TTC1: variants seen among roughly 807,000 people sequenced by gnomAD.
The protein encoded by TTC1 is tetratricopeptide repeat protein 1.
In TTC1, 31 loss-of-function variants were observed where a neutral mutation model predicts 37.6. That is an observed-to-expected ratio of 0.82 (90% CI 0.62 to 1.11). TTC1 has a LOEUF of 1.11. Ranked by LOEUF, TTC1 falls within the 50% of genes most tolerant of loss-of-function variation. The pLI is 0.00. For synonymous variants in TTC1, 127 were observed against 122.4 expected (o/e 1.04, Z -0.25); for missense variants, 351 against 339.0 (o/e 1.04, Z -0.28).
intron 2 of TTC1, among the ~76,000 whole-genome samples, chr5:160,034,625 G>A (rs1419825826): frequency 6.6e-6 from 1 of 152,158 alleles, no homozygotes; most frequent in African/African-American, 2.4e-5. Context: ...GCTAGTCACT[G>A]TATGGGCAGC....
intron 2 of TTC1, among the ~76,000 whole-genome samples, chr5:160,018,655 C>T (rs1427492770): frequency 2.0e-5 from 3 of 152,096 alleles, no homozygotes; most frequent in African/African-American, 7.2e-5. Context: ...AAGTTTTTTC[C>T]AAGTGCAGAA....
intron 5 of TTC1, among the ~76,000 whole-genome samples, chr5:160,045,454 C>CCACACACACACACACA (rs57919333): frequency 7.7e-5 from 3 of 38,906 alleles, no homozygotes; most frequent in Non-Finnish European, 1.4e-4. Flanking sequence ...CCCCCACCCT[C>CCACACACACACACACA]CACACACACA....
intron 7 of TTC1, among the ~76,000 whole-genome samples, chr5:160,053,574 G>GA (rs1406408196): frequency 1.3e-5 from 2 of 152,108 alleles, no homozygotes; most frequent in African/African-American, 4.8e-5. Flanking sequence ...TAAAAAAAAA[G>GA]AAAATTATAA....
intron 2 of TTC1, among the ~76,000 whole-genome samples, chr5:160,028,588 C>T (rs1353400950): frequency 6.6e-6 from 1 of 152,194 alleles, no homozygotes; most frequent in Non-Finnish European, 1.5e-5. Context: ...ATCCTCCCAC[C>T]TCAGCCTCCA....
chr5:160,037,089 G>T (rs1757010521), intron 4 of TTC1, among the ~76,000 whole-genome samples: 1 of 152,174 alleles, frequency 6.6e-6, no homozygotes. Flanking sequence ...GAGCCAAGCA[G>T]TGCATGTCCT....
At chr5:160,061,084 C>CG (rs1318596851) in intron 7 of TTC1, among the ~76,000 whole-genome samples, 1 of 152,176 alleles carries the variant, frequency 6.6e-6, no homozygotes, top group African/African-American at 2.4e-5. Context: ...CGTAGGCTGA[C>CG]GGGCCTGGCT....
chr5:160,032,562 T>G (rs1263371568), intron 2 of TTC1, among the ~76,000 whole-genome samples: 1 of 152,148 alleles, frequency 6.6e-6, no homozygotes, highest in East Asian at 1.9e-4. Flanking sequence ...ACCAAGATCT[T>G]AAATCTAGAT....
At chr5:160,015,698 G>A (rs1157926839) in intron 2 of TTC1, among the ~76,000 whole-genome samples, 4 of 152,190 alleles carry the variant, frequency 2.6e-5, no homozygotes, top group Non-Finnish European at 5.9e-5. Context: ...CTAAGTGTAA[G>A]TAAAGTGTTT....
chr5:160,023,493 G>C (rs1359142491), intron 2 of TTC1, among the ~76,000 whole-genome samples: 1 of 151,856 alleles, frequency 6.6e-6, no homozygotes, highest in Non-Finnish European at 1.5e-5. Context: ...CGGTCTTGCT[G>C]TGTTGCCCAG....
chr5:160,036,017 C>A (rs1400359907), intron 3 of TTC1, among the ~76,000 whole-genome samples: 1 of 150,444 alleles, frequency 6.6e-6, no homozygotes, highest in East Asian at 1.9e-4. Flanking sequence ...AGAATAAACA[C>A]TTCTAATTTT....
At chr5:160,009,663 T>C (rs1278129136) in intron 1 of TTC1, among the ~76,000 whole-genome samples, 1 of 152,122 alleles carries the variant, frequency 6.6e-6, no homozygotes, top group East Asian at 1.9e-4. Context: ...CAGAATTTGG[T>C]CAGGGTCTGA....
At chr5:160,026,768 G>T (rs1392991979) in intron 2 of TTC1, among the ~76,000 whole-genome samples, 1 of 152,058 alleles carries the variant, frequency 6.6e-6, no homozygotes. Flanking sequence ...TCTTTGAGTT[G>T]TTTAGTCCAT....
In TTC1 at chr5:160,036,674, C is replaced by T. The variant is rs368350769; in HGVS notation, c.392-17C>T. ...AATAAAATCAAAATGACCATTCATC[C>T]TTTCTCTTATCCTCAGATTATATAG... is the stretch of plus-strand genomic sequence containing the variant. On this transcript the variant is annotated splice_polypyrimidine_tract_variant and intron_variant, in intron 3 of 7. Transcript: ENST00000231238. The T allele has an allele frequency of 7.1e-6, 11 of 1,544,352 alleles. No individual in the cohort carries two copies. The African/African-American group carries it at 1.2e-4, about 17-fold the overall frequency.
chr5:160,060,386 C>T (rs1408499065), intron 7 of TTC1, among the ~76,000 whole-genome samples: 1 of 152,190 alleles, frequency 6.6e-6, no homozygotes, highest in South Asian at 2.1e-4. Flanking sequence ...GGCAAGCACT[C>T]GGATCCCTGT....
intron 2 of TTC1, among the ~76,000 whole-genome samples, chr5:160,033,638 G>A (rs890354209): frequency 1.3e-5 from 2 of 152,180 alleles, no homozygotes; most frequent in African/African-American, 2.4e-5. Context: ...CAATCATGGC[G>A]GAAAGTGAAG....
Position 160,065,323 on chromosome 5 carries a change from C to T in TTC1, c.*258C>T. ...TCCCCGATTCTGGCTGTCCTATGTC[C>T]AGGAAGAAGCCCATTTGTTGAGGCT... On this transcript the variant is annotated 3_prime_UTR_variant, in exon 8 of 8. Coordinates refer to ENST00000231238, the MANE Select transcript of TTC1 (RefSeq NM_003314.3). The T allele has an allele frequency of 1.7e-6, 1 of 597,064 alleles. No homozygotes were observed. 37.0% of individuals were successfully genotyped at this position (597,064 alleles called of 1,614,324 possible).
chr5:160,034,437 T>G (rs1250990183), intron 2 of TTC1, among the ~76,000 whole-genome samples: 1 of 152,178 alleles, frequency 6.6e-6, no homozygotes, highest in Non-Finnish European at 1.5e-5. Flanking sequence ...TCTTCACATT[T>G]TCCTATGTTA....
intron 7 of TTC1, among the ~76,000 whole-genome samples, chr5:160,060,473 TC>T (rs2113418497): frequency 6.6e-6 from 1 of 152,302 alleles, no homozygotes; most frequent in African/African-American, 2.4e-5. Flanking sequence ...ATAGACGAGA[TC>T]CTAATAGTTC....
At chr5:160,047,882 T>C (rs1057303423) in intron 5 of TTC1, among the ~76,000 whole-genome samples, 1 of 152,186 alleles carries the variant, frequency 6.6e-6, no homozygotes, top group African/African-American at 2.4e-5. Context: ...TCCATGACCT[T>C]GTTTTATTTT....
Sources: allele counts gnomAD v4.1 joint callset (sites outside exome capture counted in the v4.1 genomes callset), GRCh38; gene constraint gnomAD v4.1.1; transcripts MANE v1.5; gene names NCBI Gene and HGNC (gene_info 2026-07-23, HGNC 2026-07-21).